PACSIN1: variants seen among roughly 807,000 people sequenced by gnomAD.
PACSIN1 encodes the protein protein kinase C and casein kinase substrate in neurons protein 1.
PACSIN1 carries 15 observed loss-of-function variants against 59.5 expected under a neutral mutation model. The observed-to-expected ratio is 0.25, with a 90% CI of 0.17 to 0.39. The LOEUF (loss-of-function observed/expected upper bound fraction) is 0.39, where lower values mean the gene tolerates loss of function less well. Ranked by LOEUF, PACSIN1 falls within the 10% of genes least tolerant of loss-of-function variation. The pLI is 1.00. For synonymous variants in PACSIN1, 210 were observed against 220.6 expected, an observed-to-expected ratio of 0.95 and a Z score of 0.42; for missense variants, 420 against 580.2, an observed-to-expected ratio of 0.72 and a Z score of 2.84.
chr6:34,493,134 G>A (rs1194799253), intron 1 of PACSIN1, among the ~76,000 whole-genome samples: 1 of 152,198 alleles, frequency 6.6e-6, no homozygotes. Flanking sequence ...GCACTTGTTG[G>A]ATATGAGTTG....
Position 34,532,143 on chromosome 6 carries a change from A to G in PACSIN1, c.1226-278A>G, listed in dbSNP as rs1767608555. ...TTAGATTGGTTGGTGCCAGGGGCGGAGTCAGAACCTGAGAATAGTGTGGAT... is the reference window on the plus strand; with the variant it reads ...TTAGATTGGTTGGTGCCAGGGGCGGGGTCAGAACCTGAGAATAGTGTGGAT... On this transcript the variant is annotated intron_variant, in intron 9 of 9. Transcript: ENST00000244458. The surrounding 1 kb of genome is among the most constrained non-coding windows in gnomAD (Gnocchi z 5.2). Among the ~76,000 whole-genome samples the G allele has an allele frequency of 6.6e-6, 1 of 151,968 alleles. No individual in the cohort carries two copies. The highest frequency in any genetic ancestry group is 1.5e-5 in the Non-Finnish European group (1 of 67,998).
Position 34,527,344 on chromosome 6 carries a change from A to G in PACSIN1, c.76A>G (p.Lys26Glu). Reference sequence around the variant, plus strand: ...GCTTGGCCGCCAGGTGGGGAACTACAAGCGGACCGTGAAGCGCATCGATGA... The same window carrying G: ...GCTTGGCCGCCAGGTGGGGAACTACGAGCGGACCGTGAAGCGCATCGATGA... ...TDSFWEVGNY[K>E]RTVKRIDDGH... Residue 26 changes from lysine to glutamate, a missense_variant, in exon 3 of 10, where the codon AAG becomes GAG. Physicochemically the swap from Lys to Glu is moderately conservative, Grantham distance 56. Coordinates refer to ENST00000244458, the MANE Select transcript of PACSIN1 (RefSeq NM_020804.5). 1 of 1,583,658 alleles carries G rather than the reference A, an allele frequency of 6.3e-7. No homozygotes were observed. Among genetic ancestry groups the G allele is most frequent in the African/African-American group, 1.4e-5 (1 of 73,300 alleles).
rs1236256378 is a variant in PACSIN1 at position 34,525,159 on chromosome 6, T to TCTC, written c.-63-1083_-63-1081dup. 6.6e-6 allele frequency among the ~76,000 whole-genome samples: 1 copy of TCTC among 152,198 alleles called. No homozygotes were observed. Among genetic ancestry groups the TCTC allele is most frequent in the Non-Finnish European group, 1.5e-5 (1 of 68,032 alleles). ...CTTGATGAAATCCAGCCGTCCTCCC[T>TCTC]CTCACCCACCCGCACTGTGCGTGAG... On this transcript the variant is annotated intron_variant, in intron 1 of 9. Coordinates refer to ENST00000244458, the MANE Select transcript of PACSIN1 (RefSeq NM_020804.5). This position sits in a 1 kb window ranked among gnomAD's most constrained non-coding sequence, Gnocchi z 4.9.
intron 1 of PACSIN1, among the ~76,000 whole-genome samples, chr6:34,496,941 CTTTTT>C (rs11464603): frequency 9.9e-6 from 1 of 100,806 alleles, no homozygotes; most frequent in South Asian, 3.4e-4. Context: ...CTCTCTCTCT[CTTTTT>C]TTTTTTTTTT....
rs1767397937 is a variant in PACSIN1 at position 34,521,831 on chromosome 6, T to G, written c.-63-4412T>G. Among the ~76,000 whole-genome samples the G allele has an allele frequency of 6.6e-6, 1 of 152,132 alleles. No homozygotes were observed. The highest frequency in any genetic ancestry group is 1.5e-5 in the Non-Finnish European group (1 of 68,008). On this transcript the variant is annotated intron_variant, in intron 1 of 9. Coordinates refer to ENST00000244458, the MANE Select transcript of PACSIN1 (RefSeq NM_020804.5). This position sits in a 1 kb window ranked among gnomAD's most constrained non-coding sequence, Gnocchi z 4.3. ...GTTTAATCCTTGCAACAGCCCATTTTACAGATGCGGACGCCGAGGCCTGGG... is the reference window on the plus strand; with the variant it reads ...GTTTAATCCTTGCAACAGCCCATTTGACAGATGCGGACGCCGAGGCCTGGG...
At position 34,519,881 on chromosome 6, in the gene PACSIN1, C is replaced by G. The variant is rs915911159; in HGVS notation, c.-63-6362C>G. On this transcript the variant is annotated intron_variant, in intron 1 of 9. Transcript: ENST00000244458. Reference sequence around the variant, plus strand: ...CCTCTTGGTGCTGTTAGCTATTGTGCTAATCAGCTTTTTGGGACAGCAGGT... The same window carrying G: ...CCTCTTGGTGCTGTTAGCTATTGTGGTAATCAGCTTTTTGGGACAGCAGGT... Among the ~76,000 whole-genome samples, 2 of 152,134 alleles carry G rather than the reference C, an allele frequency of 1.3e-5. 1 individual carries two copies. The highest frequency in any genetic ancestry group is 1.3e-4 in the Admixed American group (2 of 15,280).
In PACSIN1 at chr6:34,534,081, C is replaced by A. The variant is rs1436034602; in HGVS notation, c.*1551C>A. ...GCCTCTGGACCGCAGATGCCCTCCT[C>A]CCTCCTGCACACCTGGCCTCCTGGG... On this transcript the variant is annotated 3_prime_UTR_variant, in exon 10 of 10. Transcript: ENST00000244458. 2 of 152,652 alleles carry A rather than the reference C, an allele frequency of 1.3e-5. No homozygotes were observed. Among genetic ancestry groups the A allele is most frequent in the Admixed American group, 1.3e-4 (2 of 15,276 alleles). 9.5% of individuals were successfully genotyped at this position (152,652 alleles called of 1,614,324 possible).
Position 34,513,926 on chromosome 6 carries a change from G to A in PACSIN1, c.-63-12317G>A, listed in dbSNP as rs111261617. 2.4e-3 allele frequency among the ~76,000 whole-genome samples: 373 copies of A among 152,280 alleles called. 5 individuals carry two copies. Among genetic ancestry groups the A allele is most frequent in the African/African-American group, 8.1e-3 (338 of 41,532 alleles). On this transcript the variant is annotated intron_variant, in intron 1 of 9. Transcript: ENST00000244458. ...TCCCATCCCTGAACCCTGCTCATGA[G>A]GCTAGCACCAGGGCTTGTGTGTGCC...
intron 1 of PACSIN1, among the ~76,000 whole-genome samples, chr6:34,485,664 C>T (rs777037224): frequency 6.6e-5 from 10 of 152,154 alleles, no homozygotes; most frequent in African/African-American, 2.2e-4. Context: ...TCTAAGGCCA[C>T]GGCCCCGATG....
chr6:34,494,630 G>C lies in PACSIN1; in HGVS notation c.-64+28360G>C, dbSNP rs1314196523. 3.3e-5 allele frequency among the ~76,000 whole-genome samples: 5 copies of C among 152,104 alleles called. 1 individual carries two copies. The South Asian group carries it at 1.0e-3, about 32-fold the overall frequency. On this transcript the variant is annotated intron_variant, in intron 1 of 9. Coordinates refer to ENST00000244458, the MANE Select transcript of PACSIN1 (RefSeq NM_020804.5). The stretch of plus-strand genomic sequence containing the variant: ...GGCTAATTTTTAAATTTTTTGTAGA[G>C]ATGGTGTCTGGCTGTGTTGCCCGGG...
At chr6:34,504,742 C>T (rs139363565) in intron 1 of PACSIN1, among the ~76,000 whole-genome samples, 4 of 152,194 alleles carry the variant, frequency 2.6e-5, no homozygotes, top group East Asian at 3.9e-4. Flanking sequence ...TCTTTCCTTT[C>T]GGTTTCAAGA....
At chr6:34,526,621 C>T (rs1010195522) in intron 2 of PACSIN1, among the ~76,000 whole-genome samples, 2 of 152,206 alleles carry the variant, frequency 1.3e-5, no homozygotes, top group African/African-American at 4.8e-5. Flanking sequence ...GGGAACAGGC[C>T]CTTTGTGACT....
chr6:34,484,798 T>C (rs1766768241), intron 1 of PACSIN1, among the ~76,000 whole-genome samples: 1 of 152,028 alleles, frequency 6.6e-6, no homozygotes, highest in African/African-American at 2.4e-5. Flanking sequence ...AAAAAATATA[T>C]ATATATCCAC....
In PACSIN1 at chr6:34,529,262, G is replaced by A; in HGVS notation, c.457-135G>A. ...CTGCTCCCGAACACCTGGAGCCAGG[G>A]CCTGCATCCCTTCTGGCTCTTAAGA... On this transcript the variant is annotated intron_variant, in intron 4 of 9. Coordinates refer to ENST00000244458, the MANE Select transcript of PACSIN1 (RefSeq NM_020804.5). This position sits in a 1 kb window ranked among gnomAD's most constrained non-coding sequence, Gnocchi z 6.3. The A allele has an allele frequency of 1.1e-6, 1 of 905,636 alleles. No individual in the cohort carries two copies. The highest frequency in any genetic ancestry group is 1.7e-5 in the South Asian group (1 of 58,210). The allele number at this position is 905,636 out of a possible 1,614,324, so 56.1% of individuals were successfully genotyped here.
At chr6:34,492,997 G>A (rs576088705) in intron 1 of PACSIN1, among the ~76,000 whole-genome samples, 1 of 152,338 alleles carries the variant, frequency 6.6e-6, no homozygotes, top group East Asian at 1.9e-4. Context: ...CAGGGCAGAA[G>A]AGTGGGAGAG....
At position 34,524,948 on chromosome 6, in the gene PACSIN1, AG is replaced by A. The variant is rs538991172; in HGVS notation, c.-63-1292del. Reference sequence around the variant, plus strand: ...TACGGGAGAGTTCTATGTGACATTAAGGGTTCTAGAAGGGACTGTGGCCCCA... The same window carrying A: ...TACGGGAGAGTTCTATGTGACATTAAGGTTCTAGAAGGGACTGTGGCCCCA... On this transcript the variant is annotated intron_variant, in intron 1 of 9. Transcript: ENST00000244458. Among the ~76,000 whole-genome samples, 287 of 152,330 alleles carry A rather than the reference AG, an allele frequency of 1.9e-3. 1 individual carries two copies. Among genetic ancestry groups the A allele is most frequent in the Non-Finnish European group, 3.8e-3 (256 of 68,028 alleles).
At chr6:34,506,508 C>T (rs1349577074) in intron 1 of PACSIN1, among the ~76,000 whole-genome samples, 1 of 152,260 alleles carries the variant, frequency 6.6e-6, no homozygotes, top group Non-Finnish European at 1.5e-5. Flanking sequence ...AGCCATTGCT[C>T]ATGGCCACAG....
intron 1 of PACSIN1, among the ~76,000 whole-genome samples, chr6:34,517,614 G>T (rs1767315735): frequency 6.6e-6 from 1 of 151,908 alleles, no homozygotes. Context: ...TGTTCAGGCT[G>T]CCTGAGTGCT....
intron 1 of PACSIN1, among the ~76,000 whole-genome samples, chr6:34,474,222 T>C (rs966473701): frequency 2.0e-5 from 3 of 152,164 alleles, no homozygotes; most frequent in Non-Finnish European, 2.9e-5. Flanking sequence ...GGGAGTTGCA[T>C]TTGTCTGTCC....
Sources: allele counts gnomAD v4.1 joint callset (sites outside exome capture counted in the v4.1 genomes callset), GRCh38; gene constraint gnomAD v4.1.1; non-coding constraint Gnocchi (gnomAD v3.1); transcripts MANE v1.5; gene names NCBI Gene and HGNC (gene_info 2026-07-23, HGNC 2026-07-21).